Variants in UBE2E2 observed in about 807,000 individuals in gnomAD.
UBE2E2 encodes ubiquitin-conjugating enzyme E2 E2.
A neutral mutation model predicts 24.7 loss-of-function variants in UBE2E2; 6 were observed. The observed-to-expected ratio is 0.24, with a 90% CI of 0.13 to 0.48. UBE2E2 has a LOEUF of 0.48. Among genes scored for constraint, UBE2E2 ranks in the 20% least tolerant of loss-of-function variants. The pLI is 0.99. For missense variants in UBE2E2, 169 were observed against 245.0 expected, an observed-to-expected ratio of 0.69 and a Z score of 2.07; for synonymous variants, 104 against 83.6, an observed-to-expected ratio of 1.24 and a Z score of -1.33.
intron 3 of UBE2E2, among the ~76,000 whole-genome samples, chr3:23,249,308 A>G (rs1422954576): frequency 1.3e-5 from 2 of 152,050 alleles, no homozygotes; most frequent in African/African-American, 4.8e-5. Context: ...GGAGTAAGAT[A>G]TGACTTTACC....
chr3:23,216,634 A>G (rs1696483624), intron 2 of UBE2E2, among the ~76,000 whole-genome samples: 1 of 152,116 alleles, frequency 6.6e-6, no homozygotes, highest in African/African-American at 2.4e-5. Context: ...GATGCTGTTA[A>G]AAATAAAAGT....
chr3:23,497,453 G>A (rs1699626459), intron 3 of UBE2E2, among the ~76,000 whole-genome samples: 2 of 152,188 alleles, frequency 1.3e-5, no homozygotes, highest in Non-Finnish European at 2.9e-5. Context: ...CATTGCAATA[G>A]CAACAGGAGG....
intron 3 of UBE2E2, among the ~76,000 whole-genome samples, chr3:23,309,172 C>T (rs751787046): frequency 3.9e-5 from 6 of 152,128 alleles, no homozygotes; most frequent in Non-Finnish European, 8.8e-5. Context: ...CACAGGGGTG[C>T]CTTGTTATAT....
intron 3 of UBE2E2, among the ~76,000 whole-genome samples, chr3:23,267,515 A>G (rs1698083684): frequency 6.6e-6 from 1 of 152,186 alleles, no homozygotes; most frequent in African/African-American, 2.4e-5. Flanking sequence ...GAAGAAGTTG[A>G]ATCTCTGAAT....
chr3:23,254,207 TG>T (rs1697654250), intron 3 of UBE2E2, among the ~76,000 whole-genome samples: 1 of 152,238 alleles, frequency 6.6e-6, no homozygotes, highest in African/African-American at 2.4e-5. Context: ...AAGAGACCTC[TG>T]CTTTAGTTGA....
At chr3:23,271,269 CT>C (rs1698233759) in intron 3 of UBE2E2, 1 of 318,892 alleles carries the variant, frequency 3.1e-6, no homozygotes, top group Non-Finnish European at 6.1e-6. Flanking sequence ...GAGTTTGTTC[CT>C]TCAGATGTTC....
intron 3 of UBE2E2, among the ~76,000 whole-genome samples, chr3:23,433,085 C>G (rs1450163390): frequency 1.3e-5 from 2 of 151,756 alleles, no homozygotes; most frequent in African/African-American, 4.8e-5. Flanking sequence ...ATAAATATTA[C>G]TTTTTGGTGG....
intron 3 of UBE2E2, among the ~76,000 whole-genome samples, chr3:23,420,325 A>G (rs1176798868): frequency 6.6e-6 from 1 of 152,246 alleles, no homozygotes; most frequent in Non-Finnish European, 1.5e-5. Flanking sequence ...ATGATTGAAT[A>G]TCTTCTTTAA....
At chr3:23,548,803 A>G (rs1695578202) in intron 5 of UBE2E2, among the ~76,000 whole-genome samples, 1 of 152,126 alleles carries the variant, frequency 6.6e-6, no homozygotes, top group African/African-American at 2.4e-5. Context: ...AGCTTTATTT[A>G]TTATTATCTC....
chr3:23,381,234 A>T (rs1696662046), intron 3 of UBE2E2, among the ~76,000 whole-genome samples: 1 of 152,232 alleles, frequency 6.6e-6, no homozygotes, highest in South Asian at 2.1e-4. Flanking sequence ...AAGTTAAGGT[A>T]TAGATTAGCT....
At chr3:23,206,378 T>C (rs1696147234) in intron 1 of UBE2E2, among the ~76,000 whole-genome samples, 1 of 152,368 alleles carries the variant, frequency 6.6e-6, no homozygotes, top group African/African-American at 2.4e-5. Flanking sequence ...GTTACGACTT[T>C]TAGAGCTAGA....
At chr3:23,353,781 G>C (rs1358289879) in intron 3 of UBE2E2, among the ~76,000 whole-genome samples, 1 of 151,648 alleles carries the variant, frequency 6.6e-6, no homozygotes, top group African/African-American at 2.4e-5. Context: ...TGGGTAGGAA[G>C]AATCAATATC....
chr3:23,256,863 G>T (rs141940029), intron 3 of UBE2E2, among the ~76,000 whole-genome samples: 77 of 152,236 alleles, frequency 5.1e-4, no homozygotes, highest in Non-Finnish European at 7.2e-4. Flanking sequence ...TCTCCCTGAG[G>T]TTGCCAGAAA....
At chr3:23,532,806 T>C (rs1201661773) in intron 5 of UBE2E2, 105 bp downstream of exon 5, 1 of 1,043,696 alleles carries the variant, frequency 9.6e-7, no homozygotes, top group Non-Finnish European at 1.3e-6. Flanking sequence ...CCACTGCTTC[T>C]ACTACTATTA....
intron 3 of UBE2E2, among the ~76,000 whole-genome samples, chr3:23,256,060 A>G (rs1313344997): frequency 2.6e-5 from 4 of 152,238 alleles, no homozygotes; most frequent in Non-Finnish European, 4.4e-5. Context: ...TTCTGGAGAC[A>G]GCACTGTGCT....
At chr3:23,298,096 A>G (rs1172941259) in intron 3 of UBE2E2, among the ~76,000 whole-genome samples, 3 of 151,950 alleles carry the variant, frequency 2.0e-5, no homozygotes, top group Non-Finnish European at 4.4e-5. Flanking sequence ...TTTGTCTCTT[A>G]TTGCTGTATA....
At chr3:23,534,045 C>CTGT (rs1456626876) in intron 5 of UBE2E2, 2 of 246,992 alleles carry the variant, frequency 8.1e-6, no homozygotes, top group African/African-American at 4.7e-5. Flanking sequence ...TCTTTCAGTC[C>CTGT]TGTTGTTCCC....
intron 3 of UBE2E2, among the ~76,000 whole-genome samples, chr3:23,490,003 G>GA (rs140969360): frequency 0.03 from 4,499 of 152,084 alleles, 104 homozygotes; most frequent in East Asian, 0.12. Context: ...GTGGAAAAGG[G>GA]AAAAAAATGT....
intron 4 of UBE2E2, among the ~76,000 whole-genome samples, chr3:23,523,975 G>T (rs1265301906): frequency 2.0e-5 from 3 of 149,698 alleles, no homozygotes; most frequent in East Asian, 1.9e-4. Flanking sequence ...GGGTTGGGGG[G>T]TTCTCCGTGG....
Sources: gnomAD v4.1 joint callset for allele counts (sites outside exome capture counted in the v4.1 genomes callset) on GRCh38, gnomAD v4.1.1 for gene constraint, MANE v1.5 for transcripts, NCBI Gene and HGNC (gene_info 2026-07-23, HGNC 2026-07-21) for gene names.